BACH2: variants seen among roughly 807,000 people sequenced by gnomAD.
The protein encoded by BACH2 is transcription regulator protein BACH2.
BACH2 carries 5 observed loss-of-function variants against 61.8 expected under a neutral mutation model. That is an observed-to-expected ratio of 0.08 (90% confidence interval 0.04 to 0.17). BACH2 has a LOEUF of 0.17. Among genes scored for constraint, BACH2 ranks in the 10% least tolerant of loss-of-function variants. BACH2 has a pLI of 1.00. For missense variants in BACH2, 824 were observed against 1,091.1 expected, an observed-to-expected ratio of 0.76 and a Z score of 3.45; for synonymous variants, 446 against 440.1, an observed-to-expected ratio of 1.01 and a Z score of -0.17.
At chr6:90,134,942 G>A (rs1233628708) in intron 4 of BACH2, among the ~76,000 whole-genome samples, 3 of 152,176 alleles carry the variant, frequency 2.0e-5, no homozygotes, top group African/African-American at 7.2e-5. Context: ...GATACAGGCA[G>A]AGCAGATGGC....
chr6:90,035,931 G>A (rs36014049), intron 5 of BACH2, among the ~76,000 whole-genome samples: 15,730 of 151,370 alleles, frequency 0.1, 1,065 homozygotes, highest in Non-Finnish European at 0.14. Context: ...AAGGAGAAGG[G>A]GCATGATGAG....
At chr6:89,939,355 G>A (rs754855889) in intron 7 of BACH2, among the ~76,000 whole-genome samples, 16 of 152,176 alleles carry the variant, frequency 1.1e-4, no homozygotes, top group Non-Finnish European at 7.3e-5. Context: ...CCTTATGAGA[G>A]ATCTTCAGCC....
chr6:89,982,171 G>T (rs897095475), intron 6 of BACH2, among the ~76,000 whole-genome samples: 1 of 152,140 alleles, frequency 6.6e-6, no homozygotes, highest in East Asian at 1.9e-4. Context: ...GACAAGTGCT[G>T]CAGGAGAATT....
intron 4 of BACH2, among the ~76,000 whole-genome samples, chr6:90,172,700 A>T (rs1767857541): frequency 6.6e-6 from 1 of 152,172 alleles, no homozygotes; most frequent in African/African-American, 2.4e-5. Flanking sequence ...AATCAAACAA[A>T]AAATAAGAAA....
chr6:90,089,365 G>A (rs1245448539), intron 4 of BACH2, among the ~76,000 whole-genome samples: 1 of 151,894 alleles, frequency 6.6e-6, no homozygotes, highest in African/African-American at 2.4e-5. Context: ...CAGCCCTCAC[G>A]AGGGGCTCTC....
At chr6:90,096,744 T>C (rs961516325) in intron 4 of BACH2, among the ~76,000 whole-genome samples, 8 of 152,298 alleles carry the variant, frequency 5.3e-5, no homozygotes, top group African/African-American at 1.9e-4. Flanking sequence ...AGACTGAGCA[T>C]ACACCTGCAC....
chr6:90,281,542 C>T (rs1340836495), intron 1 of BACH2, among the ~76,000 whole-genome samples: 1 of 152,078 alleles, frequency 6.6e-6, no homozygotes, highest in African/African-American at 2.4e-5. Context: ...TGTTATACTG[C>T]TTTTTGTGAC....
intron 1 of BACH2, among the ~76,000 whole-genome samples, chr6:90,277,568 T>C (rs1357303458): frequency 1.3e-5 from 2 of 152,204 alleles, no homozygotes; most frequent in Admixed American, 1.3e-4. Flanking sequence ...TACAACAGCG[T>C]GTTCACTTTA....
intron 5 of BACH2, among the ~76,000 whole-genome samples, chr6:90,082,395 G>A (rs572991852): frequency 8.6e-5 from 13 of 151,986 alleles, no homozygotes; most frequent in Non-Finnish European, 1.8e-4. Flanking sequence ...AGATACTAGT[G>A]AGTCCACACA....
At chr6:90,059,771 T>C (rs112806634) in intron 5 of BACH2, among the ~76,000 whole-genome samples, 3,150 of 151,948 alleles carry the variant, frequency 0.021, 44 homozygotes, top group Non-Finnish European at 0.031. Flanking sequence ...GTGGCACATA[T>C]ACACCATGGA....
chr6:90,232,154 AG>A (rs1770120601), intron 3 of BACH2, among the ~76,000 whole-genome samples: 1 of 152,234 alleles, frequency 6.6e-6, no homozygotes, highest in African/African-American at 2.4e-5. Context: ...TTTAATCAGC[AG>A]TTTCTACCCT....
intron 2 of BACH2, among the ~76,000 whole-genome samples, chr6:90,262,881 G>A (rs184785130): frequency 1.2e-3 from 177 of 152,264 alleles, no homozygotes; most frequent in African/African-American, 4.0e-3. Flanking sequence ...ACACAAATTG[G>A]AAACAGGAGA....
chr6:90,047,883 C>G (rs1227766002), intron 5 of BACH2, among the ~76,000 whole-genome samples: 1 of 152,152 alleles, frequency 6.6e-6, no homozygotes, highest in Non-Finnish European at 1.5e-5. Context: ...CTCAAATCAT[C>G]TGGTGTCTAA....
At chr6:89,938,465 C>T in intron 7 of BACH2, 115 bp from the exon 8 acceptor site, 1 of 811,628 alleles carries the variant, frequency 1.2e-6, no homozygotes, top group South Asian at 1.8e-5. Context: ...ATGGAAACTA[C>T]TGAAAGCAAG....
intron 1 of BACH2, among the ~76,000 whole-genome samples, chr6:90,291,828 T>C (rs1401877158): frequency 1.3e-5 from 2 of 152,162 alleles, no homozygotes; most frequent in Admixed American, 6.5e-5. Flanking sequence ...CGTTCCCATA[T>C]GTGGCCCCAG....
At chr6:89,992,626 G>A (rs1383459866) in intron 6 of BACH2, among the ~76,000 whole-genome samples, 3 of 152,052 alleles carry the variant, frequency 2.0e-5, no homozygotes, top group Non-Finnish European at 4.4e-5. Flanking sequence ...TGGGCAACAA[G>A]AGCAAAACTC....
chr6:89,963,540 C>T (rs1774873738), intron 6 of BACH2, among the ~76,000 whole-genome samples: 1 of 152,208 alleles, frequency 6.6e-6, no homozygotes, highest in Admixed American at 6.5e-5. Context: ...GATTCTCCTG[C>T]CTCGTTCTCC....
At chr6:89,998,918 G>C (rs1013833367) in intron 6 of BACH2, among the ~76,000 whole-genome samples, 8 of 152,100 alleles carry the variant, frequency 5.3e-5, no homozygotes, top group African/African-American at 1.9e-4. Flanking sequence ...TGAAGACATT[G>C]GGTGACATTC....
intron 1 of BACH2, among the ~76,000 whole-genome samples, chr6:90,295,316 A>G (rs913252561): frequency 2.6e-5 from 4 of 151,870 alleles, no homozygotes; most frequent in African/African-American, 9.7e-5. Context: ...GGGATGCCCC[A>G]TGCGCCCGCG....
Sources: allele counts gnomAD v4.1 joint callset (sites outside exome capture counted in the v4.1 genomes callset), GRCh38; gene constraint gnomAD v4.1.1; transcripts MANE v1.5; gene names NCBI Gene and HGNC (gene_info 2026-07-23, HGNC 2026-07-21).